The following NTM variants were observed in gnomAD, a reference collection of about 807,000 sequenced individuals.
The protein encoded by NTM is neurotrimin.
In NTM, 13 loss-of-function variants were observed where a neutral mutation model predicts 42.1. The observed-to-expected ratio is 0.31, with a 90% CI of 0.20 to 0.49. NTM has a LOEUF of 0.49. NTM is among the 20% of genes least tolerant of loss of function. The probability of loss-of-function intolerance (pLI) is 0.99; values close to 1 mark genes in which losing one functional copy is unlikely to be tolerated. For missense variants in NTM, 373 were observed against 452.8 expected (o/e 0.82, Z 1.60); for synonymous variants, 187 against 179.2 (o/e 1.04, Z -0.35).
chr11:132,147,675 A>C (rs2070839320), intron 3 of NTM, among the ~76,000 whole-genome samples: 1 of 152,072 alleles, frequency 6.6e-6, no homozygotes, highest in Admixed American at 6.6e-5. Context: ...TGCCAGATCC[A>C]GTGCTGGAGC....
intron 2 of NTM, among the ~76,000 whole-genome samples, chr11:131,915,855 G>T (rs1329798592): frequency 1.3e-5 from 2 of 152,162 alleles, no homozygotes; most frequent in Admixed American, 1.3e-4. Context: ...AAACTGCCCC[G>T]ATGATTCAAT....
At chr11:131,700,654 C>A (rs182831182) in intron 1 of NTM, among the ~76,000 whole-genome samples, 94 of 152,344 alleles carry the variant, frequency 6.2e-4, no homozygotes, top group Non-Finnish European at 1.1e-3. Flanking sequence ...TGTATAGCAT[C>A]CTGTTGGATG....
chr11:131,457,532 G>A (rs75499969), intron 1 of NTM, among the ~76,000 whole-genome samples: 1 of 152,148 alleles, frequency 6.6e-6, no homozygotes, highest in Non-Finnish European at 1.5e-5. Context: ...TTGCCGAAAG[G>A]AAGATGATTA....
intron 7 of NTM, among the ~76,000 whole-genome samples, chr11:132,325,483 G>C (rs1172376608): frequency 6.6e-6 from 1 of 152,168 alleles, no homozygotes; most frequent in Non-Finnish European, 1.5e-5. Context: ...TCTCACACCA[G>C]TTAGAATGGC....
chr11:131,949,933 A>G (rs555661119), intron 2 of NTM, among the ~76,000 whole-genome samples: 11 of 152,230 alleles, frequency 7.2e-5, no homozygotes, highest in Admixed American at 5.9e-4. Context: ...CACACTTACT[A>G]GTATTTACTA....
intron 7 of NTM, among the ~76,000 whole-genome samples, chr11:132,316,114 C>T (rs1484319499): frequency 6.6e-6 from 1 of 151,058 alleles, no homozygotes; most frequent in Non-Finnish European, 1.5e-5. Flanking sequence ...GGTAGTCTTC[C>T]CCCCGCCACC....
At chr11:132,325,431 G>A (rs1219986059) in intron 7 of NTM, among the ~76,000 whole-genome samples, 1 of 152,150 alleles carries the variant, frequency 6.6e-6, no homozygotes, top group Non-Finnish European at 1.5e-5. Context: ...CACCATCACT[G>A]GCCATCAGAG....
intron 1 of NTM, among the ~76,000 whole-genome samples, chr11:131,797,682 C>T (rs187406637): frequency 6.6e-6 from 1 of 152,322 alleles, no homozygotes; most frequent in African/African-American, 2.4e-5. Flanking sequence ...ACCAACGTAA[C>T]TCCCAGGTGT....
chr11:131,751,538 C>A (rs1382584560), intron 1 of NTM, among the ~76,000 whole-genome samples: 1 of 150,110 alleles, frequency 6.7e-6, no homozygotes, highest in African/African-American at 2.5e-5. Flanking sequence ...TGCAGTGGGC[C>A]GAGATACTGC....
chr11:132,015,085 G>A (rs866789975), intron 2 of NTM, among the ~76,000 whole-genome samples: 1 of 151,818 alleles, frequency 6.6e-6, no homozygotes, highest in African/African-American at 2.4e-5. Context: ...GAGTGATGGG[G>A]TCTAGTTTCA....
chr11:131,547,438 ACTTTGAGGTGGGCAGAGC>A (rs2054092174), intron 1 of NTM, among the ~76,000 whole-genome samples: 1 of 152,128 alleles, frequency 6.6e-6, no homozygotes, highest in Non-Finnish European at 1.5e-5. Context: ...ACGGGAAGAG[ACTTTGAGGTGGGCAGAGC>A]CTTCGGTGGC....
chr11:132,304,537 A>T (rs2140151983), intron 4 of NTM, among the ~76,000 whole-genome samples: 1 of 152,282 alleles, frequency 6.6e-6, no homozygotes, highest in East Asian at 1.9e-4. Context: ...AACTCTAGAA[A>T]GTCAGATTGC....
At chr11:132,333,987 C>T (rs1251815564) in intron 8 of NTM, among the ~76,000 whole-genome samples, 1 of 152,142 alleles carries the variant, frequency 6.6e-6, no homozygotes, top group East Asian at 1.9e-4. Flanking sequence ...TTCCTTGTTC[C>T]CTAATCCAGG....
chr11:131,869,321 G>T (rs1262092715), intron 1 of NTM, among the ~76,000 whole-genome samples: 2 of 140,574 alleles, frequency 1.4e-5, no homozygotes, highest in Non-Finnish European at 2.9e-5. Context: ...TTGTTTCAGA[G>T]GAGGAGTCCT....
chr11:131,628,046 C>T (rs942064356), intron 1 of NTM, among the ~76,000 whole-genome samples: 2 of 152,168 alleles, frequency 1.3e-5, no homozygotes, highest in Non-Finnish European at 2.9e-5. Flanking sequence ...TGGTAATTGT[C>T]ATGTTTGCAA....
chr11:132,043,657 C>T (rs955496525), intron 2 of NTM, among the ~76,000 whole-genome samples: 2 of 152,226 alleles, frequency 1.3e-5, no homozygotes, highest in African/African-American at 4.8e-5. Context: ...TGGGTCATCT[C>T]AAGCACATTA....
chr11:132,265,106 A>C (rs2093103107), intron 4 of NTM, among the ~76,000 whole-genome samples: 1 of 152,204 alleles, frequency 6.6e-6, no homozygotes, highest in African/African-American at 2.4e-5. Flanking sequence ...AGCTATGGAG[A>C]CTTGGAGCAA....
intron 1 of NTM, among the ~76,000 whole-genome samples, chr11:131,786,913 A>G (rs2089331304): frequency 6.6e-6 from 1 of 152,184 alleles, no homozygotes; most frequent in South Asian, 2.1e-4. Context: ...TTTAATTATC[A>G]TGTGTTTTCT....
intron 1 of NTM, among the ~76,000 whole-genome samples, chr11:131,481,843 A>G (rs1001546941): frequency 6.6e-6 from 1 of 152,188 alleles, no homozygotes; most frequent in Non-Finnish European, 1.5e-5. Flanking sequence ...CTTCTCTGGG[A>G]CACATTTAGG....
Sources: allele counts gnomAD v4.1 joint callset (sites outside exome capture counted in the v4.1 genomes callset), GRCh38; gene constraint gnomAD v4.1.1; transcripts MANE v1.5; gene names NCBI Gene and HGNC (gene_info 2026-07-23, HGNC 2026-07-21).